The following MFSD12 variants were observed in gnomAD, a reference collection of about 807,000 sequenced individuals.
MFSD12 encodes the protein major facilitator superfamily domain containing 12, also known as major facilitator superfamily domain-containing protein 12.
A neutral mutation model predicts 51.2 loss-of-function variants in MFSD12; 67 were observed. That is an observed-to-expected ratio of 1.31 (90% CI 1.08 to 1.60). MFSD12 has a LOEUF of 1.60. MFSD12 is among the 40% of genes most tolerant of loss of function. The pLI, the probability that MFSD12 is intolerant of heterozygous loss-of-function variation, is 0.00. For synonymous variants in MFSD12, 441 were observed against 316.7 expected (o/e 1.39, Z -4.17); for missense variants, 921 against 673.0 (o/e 1.37, Z -4.08).
downstream of MFSD12, chr19:3,542,356 G>A: frequency 1.0e-6 from 1 of 985,450 alleles, no homozygotes; most frequent in Non-Finnish European, 1.2e-6. Context: ...GTGCAGGGCA[G>A]ATGAGATTGT....
At chr19:3,541,752 TG>T, downstream of MFSD12, 1 of 985,324 alleles carries the variant, frequency 1.0e-6, no homozygotes, top group Non-Finnish European at 1.2e-6. Context: ...GAGTGGCAGG[TG>T]GGTACGGGGC....
Position 3,557,413 on chromosome 19 carries a change from G to T in MFSD12, c.-10C>A. On this transcript the variant is annotated 5_prime_UTR_variant, in exon 1 of 10. Coordinates refer to ENST00000355415, the MANE Select transcript of MFSD12 (RefSeq NM_174983.5). ...GGGGTCCCGGGCCCATCGCGGCGCCGGGCCCGCGCCCCCCACCCCCGGGCT... is the reference window on the plus strand; with the variant it reads ...GGGGTCCCGGGCCCATCGCGGCGCCTGGCCCGCGCCCCCCACCCCCGGGCT... 1 of 1,220,430 alleles carries T rather than the reference G, an allele frequency of 8.2e-7. No individual in the cohort carries two copies. The highest frequency in any genetic ancestry group is 1.0e-6 in the Non-Finnish European group (1 of 976,446). The allele number at this position is 1,220,430 out of a possible 1,614,324, so 75.6% of individuals were successfully genotyped here.
intron 2 of MFSD12, 117 bp from the exon 3 acceptor site, chr19:3,548,384 C>A (rs2031254974): frequency 8.1e-6 from 11 of 1,364,336 alleles, no homozygotes; most frequent in Non-Finnish European, 1.1e-5. Context: ...GTGATTCCAA[C>A]CACTGCCACA....
intron 8 of MFSD12, 136 bp from the exon 9 acceptor site, chr19:3,545,075 C>G (rs2030872451): frequency 8.6e-7 from 1 of 1,166,728 alleles, no homozygotes; most frequent in Non-Finnish European, 1.2e-6. Context: ...CTGCCACTCC[C>G]TCCCTCCTGT....
chr19:3,543,595 C>T (rs1280481011), downstream of MFSD12: 28 of 1,544,386 alleles, frequency 1.8e-5, no homozygotes, highest in Non-Finnish European at 2.1e-5. Context: ...GGCATGACCC[C>T]ATCGTCCCTG....
At position 3,551,416 on chromosome 19, in the gene MFSD12, G is replaced by T. The variant is rs1192187572; in HGVS notation, c.299-222C>A. On this transcript the variant is annotated intron_variant, in intron 1 of 9. Transcript: ENST00000355415. This position sits in a 1 kb window ranked among gnomAD's most constrained non-coding sequence, Gnocchi z 4.6. ...GACACCAGGTGCCTGGGCTCAGCCT[G>T]CAAGTCAGAAGAAGCCAGGCGCAGG... is the stretch of plus-strand genomic sequence containing the variant. Among the ~76,000 whole-genome samples the T allele has an allele frequency of 1.3e-5, 2 of 152,190 alleles. No homozygotes were observed. Among genetic ancestry groups the T allele is most frequent in the Non-Finnish European group, 2.9e-5 (2 of 68,026 alleles).
At chr19:3,538,638 T>G (rs2030092591) in exon 5 of MFSD12, 2 of 243,594 alleles carry the variant, frequency 8.2e-6, no homozygotes, top group East Asian at 4.4e-4. Flanking sequence ...TGGCTGAGTC[T>G]CGTTCCAGCA....
At chr19:3,543,823 C>G, downstream of MFSD12, 6 of 1,522,672 alleles carry the variant, frequency 3.9e-6, no homozygotes, top group Non-Finnish European at 4.4e-6. Flanking sequence ...CGAGTCCCAC[C>G]TACAGTGCTC....
chr19:3,551,163 G>A lies in MFSD12; in HGVS notation c.330C>T (p.Phe110=), dbSNP rs1212818550. Residue 110 remains phenylalanine (F), a synonymous_variant, in exon 2 of 10, where the codon TTC becomes TTT. Transcript: ENST00000355415. This position sits in a 1 kb window ranked among gnomAD's most constrained non-coding sequence, Gnocchi z 4.6. ...CACAGCCCAGGCAGGGGCTGAAGAT[G>A]AAGGGGAAGGACAGCAGGACGCAGA... ...GTVCVLLSFP[F]IFSPCLGCGA... The A allele has an allele frequency of 6.2e-7, 1 of 1,611,834 alleles. No individual in the cohort carries two copies. Among genetic ancestry groups the A allele is most frequent in the East Asian group, 2.2e-5 (1 of 44,862 alleles).
rs375630453 is a variant in MFSD12, at chr19:3,549,407, T to C, written c.510-1140A>G. Among the ~76,000 whole-genome samples the C allele has an allele frequency of 2.6e-5, 4 of 152,152 alleles. No homozygotes were observed. The East Asian group carries it at 7.7e-4, about 29-fold the overall frequency. On this transcript the variant is annotated intron_variant, in intron 2 of 9. Transcript: ENST00000355415. ...TCGCAGTGTGTTATAACCAAGGACC[T>C]TGGTCAGCTCGGGTGTGTCCACAGG...
chr19:3,548,735 C>T (rs373397557), intron 2 of MFSD12, among the ~76,000 whole-genome samples: 1 of 152,190 alleles, frequency 6.6e-6, no homozygotes, highest in African/African-American at 2.4e-5. Context: ...TTTCTGAAAG[C>T]GGGAACCATG....
chr19:3,548,691 G>C (rs2031274899), intron 2 of MFSD12, among the ~76,000 whole-genome samples: 1 of 152,130 alleles, frequency 6.6e-6, no homozygotes, highest in Non-Finnish European at 1.5e-5. Context: ...AGTCCCCCGG[G>C]GGGCCTCAGA....
chr19:3,544,329 A>T lies in MFSD12; in HGVS notation c.*381T>A. ...TCTCCTCCAGGCTCCAGCCGTCCTG[A>T]GGGGGCCCTGGCAGTGTCTGGAGAC... is the stretch of plus-strand genomic sequence containing the variant. On this transcript the variant is annotated 3_prime_UTR_variant, in exon 10 of 10. Coordinates refer to ENST00000355415, the MANE Select transcript of MFSD12 (RefSeq NM_174983.5). 7.9e-7 allele frequency: 1 copy of T among 1,267,510 alleles called. No individual in the cohort carries two copies. Among genetic ancestry groups the T allele is most frequent in the East Asian group, 3.2e-5 (1 of 31,484 alleles). The allele number at this position is 1,267,510 out of a possible 1,614,324, so 78.5% of individuals were successfully genotyped here.
chr19:3,553,968 GCTA>G (rs2145220285), intron 1 of MFSD12, among the ~76,000 whole-genome samples: 1 of 152,126 alleles, frequency 6.6e-6, no homozygotes, highest in African/African-American at 2.4e-5. Context: ...TGTAGTCCCA[GCTA>G]CTCGGGAGGC....
Position 3,544,443 on chromosome 19 carries a change from G to T in MFSD12, c.*267C>A, listed in dbSNP as rs375047664. The T allele has an allele frequency of 7.5e-7, 1 of 1,341,790 alleles. No homozygotes were observed. The highest frequency in any genetic ancestry group is 1.5e-5 in the African/African-American group (1 of 68,122). 83.1% of individuals were successfully genotyped at this position (1,341,790 alleles called of 1,614,324 possible). ...CTGGGATTCCTACTTCCTGTTCCCT[G>T]CCGAGAGGGGCACCCCAAATCCTCC... On this transcript the variant is annotated 3_prime_UTR_variant, in exon 10 of 10. Coordinates refer to ENST00000355415, the MANE Select transcript of MFSD12 (RefSeq NM_174983.5).
At chr19:3,540,221 G>A (rs1016894923), downstream of MFSD12, among the ~76,000 whole-genome samples, 1 of 149,614 alleles carries the variant, frequency 6.7e-6, no homozygotes, top group African/African-American at 2.5e-5. Flanking sequence ...AGCCTTCTGA[G>A]TAGCTAGGAC....
In MFSD12 at chr19:3,544,335, C is replaced by A; in HGVS notation, c.*375G>T. On this transcript the variant is annotated 3_prime_UTR_variant, in exon 10 of 10. Transcript: ENST00000355415. ...CCAGGCTCCAGCCGTCCTGAGGGGG[C>A]CCTGGCAGTGTCTGGAGACCCCCAG... is the stretch of plus-strand genomic sequence containing the variant. The A allele has an allele frequency of 1.6e-6, 2 of 1,271,362 alleles. No homozygotes were observed. Among genetic ancestry groups the A allele is most frequent in the Admixed American group, 3.8e-5 (1 of 26,562 alleles). 78.8% of individuals were successfully genotyped at this position (1,271,362 alleles called of 1,614,324 possible). A position where few individuals can be genotyped will look rare whatever the true frequency, so the allele number is the denominator to read the frequency against.
At chr19:3,542,218 G>A (rs868363630), downstream of MFSD12, 36 of 985,262 alleles carry the variant, frequency 3.7e-5, no homozygotes, top group East Asian at 1.1e-4. Flanking sequence ...TGGAAAAGCC[G>A]AGTCTATGTG....
At chr19:3,543,982 C>A (rs190228213), downstream of MFSD12, 1 of 1,547,698 alleles carries the variant, frequency 6.5e-7, no homozygotes, top group South Asian at 1.2e-5. Context: ...CAGCGGTCCC[C>A]GCCTTCCCTC....
Sources: allele counts gnomAD v4.1 joint callset (sites outside exome capture counted in the v4.1 genomes callset), GRCh38; gene constraint gnomAD v4.1.1; non-coding constraint Gnocchi (gnomAD v3.1); transcripts MANE v1.5; gene names NCBI Gene and HGNC (gene_info 2026-07-23, HGNC 2026-07-21).